HDX: variants seen among roughly 807,000 people sequenced by gnomAD.
HDX encodes highly divergent homeobox, also known as chromosome X open reading frame 43.
Under a neutral mutation model 45.2 loss-of-function variants are expected in HDX, and 19 were observed. The ratio of observed to expected loss-of-function variants is 0.42; its 90% CI spans 0.29 to 0.62. The LOEUF (loss-of-function observed/expected upper bound fraction) is 0.62, where lower values mean the gene tolerates loss of function less well. HDX is among the 20% of genes least tolerant of loss of function. HDX has a pLI of 0.20. For synonymous variants in HDX, 188 were observed against 172.8 expected (o/e 1.09, Z -0.69); for missense variants, 532 against 493.9 (o/e 1.08, Z -0.73).
intron 7 of HDX, among the ~76,000 whole-genome samples, chrX:84,337,362 T>A (rs1009327149): frequency 9.0e-6 from 1 of 111,295 alleles, no homozygotes; most frequent in African/African-American, 3.2e-5. Flanking sequence ...TATGTAAATT[T>A]TCATGGAGAC....
At chrX:84,340,078 C>T (rs2037054140) in intron 7 of HDX, among the ~76,000 whole-genome samples, 1 of 109,307 alleles carries the variant, frequency 9.1e-6, no homozygotes, top group Non-Finnish European at 1.9e-5. Flanking sequence ...TTCATCACCA[C>T]ACAGGGAAAG....
At chrX:84,377,600 G>C (rs939012321) in intron 5 of HDX, among the ~76,000 whole-genome samples, 1 of 111,125 alleles carries the variant, frequency 9.0e-6, no homozygotes, top group African/African-American at 3.3e-5. Context: ...AAATGCAATT[G>C]ATATACCAAA....
rs2038816325 is a variant in HDX, at chrX:84,406,227, T to C, written c.1305+34305A>G. Among the ~76,000 whole-genome samples, 4 of 110,969 alleles carry C rather than the reference T, an allele frequency of 3.6e-5. No individual in the cohort carries two copies. In the Admixed American group the frequency reaches 3.9e-4, roughly 11 times the overall value. ...CAATAAATGTTTACTAAGCAATAGATAGTATGCCAACATAGACAAGGTCCA... is the reference window on the plus strand; with the variant it reads ...CAATAAATGTTTACTAAGCAATAGACAGTATGCCAACATAGACAAGGTCCA... On this transcript the variant is annotated intron_variant, in intron 5 of 10. Coordinates refer to ENST00000373177, the MANE Select transcript of HDX (RefSeq NM_001177479.2).
chrX:84,492,413 G>A (rs1658185945), intron 1 of HDX, among the ~76,000 whole-genome samples: 1 of 110,484 alleles, frequency 9.1e-6, no homozygotes, highest in Non-Finnish European at 1.9e-5. Context: ...AATGCTTTAG[G>A]AGTCTGGATA....
chrX:84,376,539 A>T (rs2038061269), intron 5 of HDX, among the ~76,000 whole-genome samples: 1 of 111,148 alleles, frequency 9.0e-6, no homozygotes, highest in Non-Finnish European at 1.9e-5. Context: ...ACCAGGCAGC[A>T]TTCACCATAA....
intron 5 of HDX, among the ~76,000 whole-genome samples, chrX:84,391,816 TCC>T (rs1400014357): frequency 9.0e-6 from 1 of 111,688 alleles, no homozygotes; most frequent in Non-Finnish European, 1.9e-5. Flanking sequence ...GTTATTAGAG[TCC>T]CTTGTATATT....
intron 5 of HDX, among the ~76,000 whole-genome samples, chrX:84,387,432 G>A (rs56997878): frequency 4.5e-5 from 5 of 111,009 alleles, no homozygotes; most frequent in Admixed American, 1.9e-4. Flanking sequence ...TGTTGAAACC[G>A]CCTAGTATTA....
intron 5 of HDX, among the ~76,000 whole-genome samples, chrX:84,407,488 C>A (rs1458422243): frequency 9.0e-6 from 1 of 111,035 alleles, no homozygotes; most frequent in Non-Finnish European, 1.9e-5. Flanking sequence ...GATTCCTTAT[C>A]TTTGCTATTG....
At chrX:84,485,445 G>A (rs767432953) in intron 2 of HDX, among the ~76,000 whole-genome samples, 8 of 111,962 alleles carry the variant, frequency 7.1e-5, no homozygotes, top group South Asian at 7.4e-4. Context: ...ACTCCATCAC[G>A]CAGGCTGGAG....
At chrX:84,345,094 A>AT (rs2147802545) in intron 6 of HDX, among the ~76,000 whole-genome samples, 1 of 111,143 alleles carries the variant, frequency 9.0e-6, no homozygotes, top group East Asian at 2.8e-4. Context: ...GTAAAATTTC[A>AT]TTTTACTGAA....
At chrX:84,359,177 AATTTTATTTT>A (rs903667175) in intron 6 of HDX, among the ~76,000 whole-genome samples, 1 of 111,345 alleles carries the variant, frequency 9.0e-6, no homozygotes, top group African/African-American at 3.3e-5. Flanking sequence ...TAATTTTTAA[AATTTTATTTT>A]ATTTTATTTT....
At chrX:84,331,356 G>T (rs888955428) in intron 9 of HDX, among the ~76,000 whole-genome samples, 9 of 111,718 alleles carry the variant, frequency 8.1e-5, no homozygotes, top group Non-Finnish European at 1.7e-4. Flanking sequence ...AAGAATGAGA[G>T]ACTGTATAAT....
chrX:84,359,724 G>A (rs577211577), intron 6 of HDX, among the ~76,000 whole-genome samples: 230 of 111,299 alleles, frequency 2.1e-3, no homozygotes, highest in South Asian at 0.014. Context: ...GGGATTGCTG[G>A]GTCAAACGGT....
chrX:84,461,150 C>A (rs1381044740), intron 4 of HDX, among the ~76,000 whole-genome samples: 1 of 111,421 alleles, frequency 9.0e-6, no homozygotes, highest in Non-Finnish European at 1.9e-5. Context: ...CAATGACATT[C>A]TTCACAGAAA....
At chrX:84,491,978 A>T (rs150483377) in intron 1 of HDX, among the ~76,000 whole-genome samples, 1,155 of 111,470 alleles carry the variant, frequency 0.01, 22 homozygotes, top group African/African-American at 0.037. Context: ...AGGGTCCCTC[A>T]GCAGATTTCT....
intron 4 of HDX, 91 bp from the exon 5 acceptor site, chrX:84,440,676 A>C (rs2039741625): frequency 3.6e-6 from 2 of 551,568 alleles, no homozygotes; most frequent in African/African-American, 4.7e-5. Context: ...CACTATTTCA[A>C]GATAAATCTG....
At chrX:84,416,567 G>A (rs73625987) in intron 5 of HDX, among the ~76,000 whole-genome samples, 8 of 110,382 alleles carry the variant, frequency 7.2e-5, no homozygotes, top group African/African-American at 2.6e-4. Flanking sequence ...AGTTCCATGA[G>A]AGCAGGAATT....
chrX:84,335,224 G>C (rs1398872265), intron 8 of HDX, among the ~76,000 whole-genome samples: 3 of 110,373 alleles, frequency 2.7e-5, no homozygotes, highest in Non-Finnish European at 5.7e-5. Flanking sequence ...ATGTTTTTCA[G>C]ATTCTCTACA....
chrX:84,472,239 C>T (rs1443248466), intron 3 of HDX, among the ~76,000 whole-genome samples: 2 of 111,214 alleles, frequency 1.8e-5, no homozygotes, highest in Non-Finnish European at 3.8e-5. Flanking sequence ...TTTATACATA[C>T]ATATGCATAT....
Sources: allele counts gnomAD v4.1 joint callset (sites outside exome capture counted in the v4.1 genomes callset), GRCh38; gene constraint gnomAD v4.1.1; transcripts MANE v1.5; gene names NCBI Gene and HGNC (gene_info 2026-07-23, HGNC 2026-07-21).